Variants in PLCB1 observed in about 807,000 individuals in gnomAD.
PLCB1 encodes the protein phospholipase C beta 1, also known as 1-phosphatidylinositol 4,5-bisphosphate phosphodiesterase beta-1.
PLCB1 carries 46 observed loss-of-function variants against 161.8 expected under a neutral mutation model. The observed-to-expected ratio is 0.28, with a 90% confidence interval of 0.22 to 0.36. The LOEUF is 0.36. Among genes scored for constraint, PLCB1 ranks in the 10% least tolerant of loss-of-function variants. PLCB1 has a pLI of 1.00. For synonymous variants in PLCB1, 517 were observed against 503.7 expected, an observed-to-expected ratio of 1.03 and a Z score of -0.35; for missense variants, 1,016 against 1,472.5, an observed-to-expected ratio of 0.69 and a Z score of 5.07.
intron 3 of PLCB1, among the ~76,000 whole-genome samples, chr20:8,477,991 C>T (rs1193945679): frequency 6.6e-6 from 1 of 152,140 alleles, no homozygotes; most frequent in Admixed American, 6.5e-5. Flanking sequence ...AGAAAGTCCT[C>T]CCTGCTTGTT....
At chr20:8,254,810 C>G (rs1981327983) in intron 2 of PLCB1, among the ~76,000 whole-genome samples, 1 of 152,144 alleles carries the variant, frequency 6.6e-6, no homozygotes, top group East Asian at 1.9e-4. Flanking sequence ...TGTCATATGT[C>G]TTAGTTGCTG....
At chr20:8,572,775 A>G (rs959225504) in intron 3 of PLCB1, among the ~76,000 whole-genome samples, 8 of 152,206 alleles carry the variant, frequency 5.3e-5, no homozygotes, top group East Asian at 1.9e-4. Context: ...TAAACTAAGC[A>G]TGGGTCCTTC....
chr20:8,325,541 A>G (rs775748540), intron 2 of PLCB1, among the ~76,000 whole-genome samples: 19 of 152,324 alleles, frequency 1.2e-4, no homozygotes, highest in Non-Finnish European at 1.8e-4. Context: ...GGTACTTACT[A>G]TGTTCCAGGT....
At chr20:8,858,613 G>A (rs1176592585) in intron 31 of PLCB1, among the ~76,000 whole-genome samples, 1 of 152,072 alleles carries the variant, frequency 6.6e-6, no homozygotes, top group Admixed American at 6.6e-5. Context: ...TTCCACTGGG[G>A]TCACTTCCAC....
chr20:8,343,494 C>T (rs763434841), intron 2 of PLCB1, among the ~76,000 whole-genome samples: 1 of 152,134 alleles, frequency 6.6e-6, no homozygotes, highest in Admixed American at 6.5e-5. Flanking sequence ...ATTGTAGTAG[C>T]CCGTGACTTC....
At chr20:8,843,524 C>T (rs890653915) in intron 31 of PLCB1, among the ~76,000 whole-genome samples, 1 of 152,108 alleles carries the variant, frequency 6.6e-6, no homozygotes, top group East Asian at 1.9e-4. Context: ...ACACTCACAA[C>T]CCCCATCATA....
At chr20:8,881,559 C>T in intron 31 of PLCB1, 63 bp from the exon 32 acceptor site, 1 of 1,192,528 alleles carries the variant, frequency 8.4e-7, no homozygotes, top group Non-Finnish European at 1.2e-6. Flanking sequence ...CAGAGAGTTT[C>T]TATGGGAGTG....
chr20:8,300,402 T>C (rs1983847210), intron 2 of PLCB1, among the ~76,000 whole-genome samples: 1 of 152,064 alleles, frequency 6.6e-6, no homozygotes, highest in African/African-American at 2.4e-5. Flanking sequence ...GATGATGAAT[T>C]AGGATGATTA....
intron 3 of PLCB1, among the ~76,000 whole-genome samples, chr20:8,490,567 A>G (rs1457991793): frequency 6.6e-6 from 1 of 152,226 alleles, no homozygotes; most frequent in East Asian, 1.9e-4. Flanking sequence ...AAGTGGTTCT[A>G]TGATTTCACT....
At chr20:8,502,245 G>C (rs542751856) in intron 3 of PLCB1, among the ~76,000 whole-genome samples, 2 of 152,106 alleles carry the variant, frequency 1.3e-5, no homozygotes, top group South Asian at 4.2e-4. Context: ...TTCTTAAAGT[G>C]TGCTAGGAAG....
chr20:8,428,714 C>G, intron 3 of PLCB1, among the ~76,000 whole-genome samples: 1 of 152,122 alleles, frequency 6.6e-6, no homozygotes, highest in Admixed American at 6.5e-5. Context: ...GGAAGTTCTA[C>G]CTGGTTCAAA....
chr20:8,854,300 T>C (rs544088891), intron 31 of PLCB1, among the ~76,000 whole-genome samples: 6 of 152,252 alleles, frequency 3.9e-5, no homozygotes, highest in Admixed American at 6.5e-5. Context: ...CCTTGGTTAT[T>C]AGGAAGCCGA....
chr20:8,305,896 A>G (rs1984113036), intron 2 of PLCB1: 1 of 152,096 alleles, frequency 6.6e-6, no homozygotes, highest in Non-Finnish European at 1.5e-5. Context: ...ACATGAGAAA[A>G]CAGTCTGAGC....
chr20:8,170,735 A>G (rs1233785938), intron 2 of PLCB1, among the ~76,000 whole-genome samples: 1 of 152,160 alleles, frequency 6.6e-6, no homozygotes, highest in African/African-American at 2.4e-5. Context: ...AGGAAGAAAT[A>G]AAAAAGGAGC....
intron 3 of PLCB1, among the ~76,000 whole-genome samples, chr20:8,554,994 G>T (rs1453351998): frequency 6.6e-6 from 1 of 151,996 alleles, no homozygotes; most frequent in Non-Finnish European, 1.5e-5. Context: ...ATAAAATAAA[G>T]ATTTTTTTGG....
chr20:8,386,543 G>A (rs78748637), intron 3 of PLCB1, among the ~76,000 whole-genome samples: 4 of 152,280 alleles, frequency 2.6e-5, no homozygotes, highest in Middle Eastern at 3.4e-3. Context: ...TAGAGCTCAC[G>A]TGAAATAGGT....
intron 31 of PLCB1, among the ~76,000 whole-genome samples, chr20:8,794,529 A>G (rs6133624): frequency 2.6e-5 from 4 of 152,332 alleles, no homozygotes; most frequent in East Asian, 3.9e-4. Context: ...CACCAAAAGT[A>G]TGTATAGGCT....
chr20:8,772,873 T>C (rs1465783707), intron 26 of PLCB1, among the ~76,000 whole-genome samples: 3 of 151,982 alleles, frequency 2.0e-5, no homozygotes. Context: ...GAAGTTGTGG[T>C]GAGCTAAGAT....
Position 8,697,636 on chromosome 20 carries a change from G to A in PLCB1, c.1020G>A (p.Leu340=), listed in dbSNP as rs1026746331. Residue 340 remains leucine (L), a synonymous_variant, in exon 11 of 32, where the codon CTG becomes CTA. Transcript: ENST00000338037. ...SHNTYLTAGQ[L]AGNSSVEMYR... is the part of the protein sequence containing the mutation. ...GTTGGTGTTTTATAGCTGGCCAACT[G>A]GCTGGAAACTCCTCTGTTGAGATGT... 2 of 1,614,086 alleles carry A rather than the reference G, an allele frequency of 1.2e-6. No individual in the cohort carries two copies. The highest frequency in any genetic ancestry group is 1.7e-6 in the Non-Finnish European group (2 of 1,179,972).
Sources: gnomAD v4.1 joint callset for allele counts (sites outside exome capture counted in the v4.1 genomes callset) on GRCh38, gnomAD v4.1.1 for gene constraint, MANE v1.5 for transcripts, NCBI Gene and HGNC (gene_info 2026-07-23, HGNC 2026-07-21) for gene names.